The following SLC4A7 variants were observed in gnomAD, a reference collection of about 807,000 sequenced individuals.
SLC4A7 encodes the protein sodium bicarbonate cotransporter 3.
In SLC4A7, 51 loss-of-function variants were observed where a neutral mutation model predicts 137.6. The ratio of observed to expected loss-of-function variants is 0.37; its 90% CI spans 0.30 to 0.47. The LOEUF (loss-of-function observed/expected upper bound fraction) is 0.47, where lower values mean the gene tolerates loss of function less well. SLC4A7 is among the 20% of genes least tolerant of loss of function. The probability of loss-of-function intolerance (pLI) is 1.00; values close to 1 mark genes in which losing one functional copy is unlikely to be tolerated. For synonymous variants in SLC4A7, 542 were observed against 518.6 expected, an observed-to-expected ratio of 1.05 and a Z score of -0.61; for missense variants, 1,247 against 1,525.4, an observed-to-expected ratio of 0.82 and a Z score of 3.04.
At chr3:27,423,382 A>G (rs796409231) in intron 8 of SLC4A7, among the ~76,000 whole-genome samples, 1 of 152,244 alleles carries the variant, frequency 6.6e-6, no homozygotes, top group Non-Finnish European at 1.5e-5. Flanking sequence ...TCAATTGTTC[A>G]TAAGAAATAC....
At chr3:27,448,333 T>C (rs113922605) in intron 3 of SLC4A7, among the ~76,000 whole-genome samples, 2,529 of 151,822 alleles carry the variant, frequency 0.017, 80 homozygotes, top group African/African-American at 0.059. Flanking sequence ...GTACAGGAAA[T>C]GAAACACTAC....
At chr3:27,468,497 G>T (rs374013770) in intron 1 of SLC4A7, among the ~76,000 whole-genome samples, 5 of 152,102 alleles carry the variant, frequency 3.3e-5, no homozygotes, top group Admixed American at 2.0e-4. Flanking sequence ...CTTGAGCCCA[G>T]GAGTTAGAGC....
At position 27,484,311 on chromosome 3, in the gene SLC4A7, G is replaced by T; in HGVS notation, c.-185C>A. 2.7e-6 allele frequency: 1 copy of T among 373,760 alleles called. No homozygotes were observed. Among genetic ancestry groups the T allele is most frequent in the Non-Finnish European group, 4.6e-6 (1 of 216,780 alleles). The allele number at this position is 373,760 out of a possible 1,614,324, so 23.2% of individuals were successfully genotyped here. ...CGGGCGCGGGAGACGCGGGGCGTGC[G>T]TGTGCGCGCTGCGACTGCTGGGCTG... On this transcript the variant is annotated 5_prime_UTR_variant, in exon 1 of 26. Coordinates refer to ENST00000454389, the MANE Select transcript of SLC4A7 (RefSeq NM_001321103.2).
intron 11 of SLC4A7, among the ~76,000 whole-genome samples, chr3:27,416,375 T>A (rs2054387181): frequency 6.6e-6 from 1 of 152,180 alleles, no homozygotes; most frequent in South Asian, 2.1e-4. Flanking sequence ...TATTTACATT[T>A]CTCTCCACTG....
chr3:27,427,422 G>A (rs1199348443), intron 7 of SLC4A7, among the ~76,000 whole-genome samples: 1 of 151,668 alleles, frequency 6.6e-6, no homozygotes, highest in Non-Finnish European at 1.5e-5. Flanking sequence ...TTACAGGCAT[G>A]AGCTACCATG....
chr3:27,408,745 A>G (rs1239739119), intron 13 of SLC4A7, among the ~76,000 whole-genome samples: 2 of 152,236 alleles, frequency 1.3e-5, no homozygotes, highest in Non-Finnish European at 2.9e-5. Context: ...CAGGAACAGG[A>G]AAACATAAAA....
rs897141747 is a variant in SLC4A7 at position 27,431,271 on chromosome 3, C to G, written c.1150+27G>C. 16 of 1,538,594 alleles carry G rather than the reference C, an allele frequency of 1.0e-5. No homozygotes were observed. The African/African-American group carries it at 2.2e-4, about 21-fold the overall frequency. The stretch of plus-strand genomic sequence containing the variant: ...CAAGTGACTCAGAGGCAGAAAGCAC[C>G]ACACATGGAGGATTTTGGATAGTTG... On this transcript the variant is annotated intron_variant, in intron 7 of 25. Coordinates refer to ENST00000454389, the MANE Select transcript of SLC4A7 (RefSeq NM_001321103.2).
At chr3:27,420,502 A>T (rs2150294361) in intron 10 of SLC4A7, among the ~76,000 whole-genome samples, 198 bp downstream of exon 10, 1 of 152,334 alleles carries the variant, frequency 6.6e-6, no homozygotes, top group East Asian at 1.9e-4. Context: ...ATTTTTAAAT[A>T]CCCACTGATC....
chr3:27,421,410 C>A (rs1576353333), intron 9 of SLC4A7, among the ~76,000 whole-genome samples: 1 of 152,174 alleles, frequency 6.6e-6, no homozygotes, highest in Middle Eastern at 3.4e-3. Context: ...GCAGGAAAAT[C>A]GCATGAACCT....
rs541359394 is a variant in SLC4A7, at chr3:27,418,827, A to G, written c.1513-195T>C. Among the ~76,000 whole-genome samples, 4 of 152,348 alleles carry G rather than the reference A, an allele frequency of 2.6e-5. No homozygotes were observed. In the South Asian group the frequency reaches 8.3e-4, roughly 32 times the overall value. ...CTCAGTATTATCAGATGAATTAACA[A>G]TAACAAACAATGAAAGAGAACAGTT... On this transcript the variant is annotated intron_variant, in intron 10 of 25. Coordinates refer to ENST00000454389, the MANE Select transcript of SLC4A7 (RefSeq NM_001321103.2).
At chr3:27,441,045 C>CA (rs200923315) in intron 3 of SLC4A7, among the ~76,000 whole-genome samples, 4,822 of 152,116 alleles carry the variant, frequency 0.032, 261 homozygotes, top group African/African-American at 0.11. Flanking sequence ...GACTCCGTCT[C>CA]AAAAAAATAT....
chr3:27,431,522 G>T lies in SLC4A7; in HGVS notation c.926C>A (p.Thr309Lys). 6.2e-7 allele frequency: 1 copy of T among 1,614,118 alleles called. No individual in the cohort carries two copies. Among genetic ancestry groups the T allele is most frequent in the South Asian group, 1.1e-5 (1 of 91,074 alleles). ...RAGTPAGSRC[T>K]TPVPTPQNSP... ...GTTTTGAGGGGTGGGTACTGGGGTTGTACACCTTGAGCCTGCAGGGGTTCC... is the reference window on the plus strand; with the variant it reads ...GTTTTGAGGGGTGGGTACTGGGGTTTTACACCTTGAGCCTGCAGGGGTTCC... The change falls in exon 7 of 26, where the codon ACA becomes AAA. Residue 309 changes from threonine (T) to lysine (K), a missense_variant. Thr to Lys is a moderately conservative substitution (Grantham distance 78). Coordinates refer to ENST00000454389, the MANE Select transcript of SLC4A7 (RefSeq NM_001321103.2).
At chr3:27,403,461 A>T (rs2052997362) in intron 14 of SLC4A7, 77 bp from the exon 15 acceptor site, 2 of 927,066 alleles carry the variant, frequency 2.2e-6, no homozygotes, top group East Asian at 4.9e-5. Flanking sequence ...CATTGCAAGC[A>T]ATGGGAACAG....
chr3:27,410,891 T>C (rs983129060), intron 12 of SLC4A7, among the ~76,000 whole-genome samples: 4 of 152,178 alleles, frequency 2.6e-5, no homozygotes, highest in African/African-American at 4.8e-5. Flanking sequence ...TTTTATGATA[T>C]AGTACCCTTT....
intron 1 of SLC4A7, among the ~76,000 whole-genome samples, chr3:27,468,531 G>C (rs553528578): frequency 6.6e-6 from 1 of 152,154 alleles, no homozygotes; most frequent in South Asian, 2.1e-4. Flanking sequence ...GAAGCCACCT[G>C]TTAATAGCCA....
At chr3:27,441,620 G>A (rs2057200242) in intron 3 of SLC4A7, among the ~76,000 whole-genome samples, 2 of 151,866 alleles carry the variant, frequency 1.3e-5, no homozygotes, top group South Asian at 2.1e-4. Context: ...AGCCTCCCCA[G>A]CAGTTGGGGA....
intron 23 of SLC4A7, among the ~76,000 whole-genome samples, chr3:27,385,081 T>A (rs1232501095): frequency 6.6e-6 from 1 of 152,208 alleles, no homozygotes; most frequent in Non-Finnish European, 1.5e-5. Flanking sequence ...TAATTTTTGT[T>A]GAAAAATAAA....
chr3:27,407,496 T>C (rs1232336000), intron 13 of SLC4A7, among the ~76,000 whole-genome samples: 1 of 146,122 alleles, frequency 6.8e-6, no homozygotes, highest in Non-Finnish European at 1.5e-5. Context: ...AAAAAAAAAA[T>C]CAGCCTATTA....
intron 16 of SLC4A7, among the ~76,000 whole-genome samples, chr3:27,399,225 C>T (rs2052508559): frequency 1.3e-5 from 2 of 152,026 alleles, no homozygotes; most frequent in Non-Finnish European, 2.9e-5. Flanking sequence ...AAAAGCTATA[C>T]CATTACCAGA....
Sources: allele counts gnomAD v4.1 joint callset (sites outside exome capture counted in the v4.1 genomes callset), GRCh38; gene constraint gnomAD v4.1.1; transcripts MANE v1.5; gene names NCBI Gene and HGNC (gene_info 2026-07-23, HGNC 2026-07-21).